The following FOXJ3 variants were observed in gnomAD, a reference collection of about 807,000 sequenced individuals.
FOXJ3 encodes the protein forkhead box J3.
A neutral mutation model predicts 76.1 loss-of-function variants in FOXJ3; 22 were observed. The observed-to-expected ratio is 0.29, with a 90% CI of 0.21 to 0.41. The LOEUF (loss-of-function observed/expected upper bound fraction) is 0.41. Among genes scored for constraint, FOXJ3 ranks in the 10% least tolerant of loss-of-function variants. FOXJ3 has a pLI of 1.00. For missense variants in FOXJ3, 613 were observed against 762.1 expected (o/e 0.80, Z 2.30); for synonymous variants, 269 against 261.2 (o/e 1.03, Z -0.29).
chr1:42,184,858 G>C (rs1646402845), intron 11 of FOXJ3, among the ~76,000 whole-genome samples: 1 of 152,084 alleles, frequency 6.6e-6, no homozygotes, highest in African/African-American at 2.4e-5. Context: ...TGGACAAGAG[G>C]AAATAGCAAG....
At chr1:42,224,996 T>C (rs1301006286) in intron 5 of FOXJ3, among the ~76,000 whole-genome samples, 4 of 150,652 alleles carry the variant, frequency 2.7e-5, no homozygotes, top group Non-Finnish European at 4.4e-5. Flanking sequence ...AGGATCAACC[T>C]GGGCCCGGGA....
intron 4 of FOXJ3, among the ~76,000 whole-genome samples, chr1:42,257,021 G>A (rs1186105308): frequency 1.3e-5 from 2 of 152,120 alleles, no homozygotes; most frequent in African/African-American, 2.4e-5. Context: ...AATCTACTAT[G>A]CACTCAAGGA....
At chr1:42,324,273 CTATA>C (rs903669525) in intron 1 of FOXJ3, among the ~76,000 whole-genome samples, 12 of 139,962 alleles carry the variant, frequency 8.6e-5, no homozygotes, top group African/African-American at 2.9e-4. Context: ...CATATATACA[CTATA>C]TATATTATAC....
intron 5 of FOXJ3, among the ~76,000 whole-genome samples, chr1:42,222,010 GAGA>G (rs1254540080): frequency 2.3e-4 from 1 of 4,430 alleles, no homozygotes; most frequent in African/African-American, 8.3e-4. Flanking sequence ...GGAGGAGGAG[GAGA>G]AGGAGAAGGG....
intron 1 of FOXJ3, among the ~76,000 whole-genome samples, chr1:42,312,447 G>T (rs956749412): frequency 6.6e-6 from 1 of 152,306 alleles, no homozygotes; most frequent in African/African-American, 2.4e-5. Context: ...GGTGATTGAA[G>T]TCCCTGCATC....
intron 8 of FOXJ3, among the ~76,000 whole-genome samples, chr1:42,193,578 CAT>C (rs1407731807): frequency 3.9e-5 from 6 of 152,046 alleles, no homozygotes; most frequent in Non-Finnish European, 8.8e-5. Flanking sequence ...AGTTGGAAAA[CAT>C]ATGAATCTTA....
chr1:42,212,927 A>G (rs901670993), intron 5 of FOXJ3, among the ~76,000 whole-genome samples: 2 of 149,794 alleles, frequency 1.3e-5, no homozygotes, highest in Non-Finnish European at 3.0e-5. Context: ...CCTTAACATA[A>G]TAACTGTCAG....
In FOXJ3 at chr1:42,324,209, CTA is replaced by C. The variant is rs1302161342; in HGVS notation, c.-18+10848_-18+10849del. Among the ~76,000 whole-genome samples the C allele has an allele frequency of 9.4e-5, 10 of 106,428 alleles. 2 individuals are homozygous for C. Among genetic ancestry groups the C allele is most frequent in the South Asian group, 3.0e-4 (1 of 3,380 alleles). The allele number at this position is 106,428 out of a possible 152,430, so 69.8% of individuals were successfully genotyped here. ...TAGGAATATATATACTATATATATA[CTA>C]TATATATAAATTCTAGGAATATATA... On this transcript the variant is annotated intron_variant, in intron 1 of 12. Coordinates refer to ENST00000361346, the MANE Select transcript of FOXJ3 (RefSeq NM_014947.5).
intron 4 of FOXJ3, among the ~76,000 whole-genome samples, chr1:42,232,794 T>A (rs2124481506): frequency 6.6e-6 from 1 of 152,352 alleles, no homozygotes; most frequent in South Asian, 2.1e-4. Flanking sequence ...AGCTCTTTAG[T>A]TTAATTAGAT....
chr1:42,187,656 C>A (rs527316924), intron 11 of FOXJ3, among the ~76,000 whole-genome samples: 9 of 151,900 alleles, frequency 5.9e-5, no homozygotes, highest in Non-Finnish European at 1.3e-4. Context: ...CAGAAAGATA[C>A]CAAAAAGAAC....
At position 42,236,330 on chromosome 1, in the gene FOXJ3, A is replaced by G. The variant is rs1019358031; in HGVS notation, c.445-8364T>C. Among the ~76,000 whole-genome samples the G allele has an allele frequency of 2.6e-5, 4 of 152,282 alleles. No homozygotes were observed. The South Asian group carries it at 6.2e-4, about 24-fold the overall frequency. ...CTCAGCCTCCTGAATAGGTAGGACT[A>G]TAAGTTCCTGTCACCAGGCACAGCT... On this transcript the variant is annotated intron_variant, in intron 4 of 12. Coordinates refer to ENST00000361346, the MANE Select transcript of FOXJ3 (RefSeq NM_014947.5).
chr1:42,179,307 A>G lies in FOXJ3; in HGVS notation c.*403T>C, dbSNP rs1241328037. 1 of 153,288 alleles carries G rather than the reference A, an allele frequency of 6.5e-6. No homozygotes were observed. The highest frequency in any genetic ancestry group is 6.5e-5 in the Admixed American group (1 of 15,320). 9.5% of individuals were successfully genotyped at this position (153,288 alleles called of 1,614,324 possible). ...AATAACTTTCAAGACATAATAATCC[A>G]ATTAGAAAAAACTGAAGCCTTTCAG... is the stretch of plus-strand genomic sequence containing the variant. On this transcript the variant is annotated 3_prime_UTR_variant, in exon 13 of 13. Coordinates refer to ENST00000361346, the MANE Select transcript of FOXJ3 (RefSeq NM_014947.5).
chr1:42,237,437 CATATATATAT>C, intron 4 of FOXJ3, among the ~76,000 whole-genome samples: 1 of 137,192 alleles, frequency 7.3e-6, no homozygotes, highest in Non-Finnish European at 1.6e-5. Context: ...TACATACATA[CATATATATAT>C]ATACACATAC....
chr1:42,304,821 T>C (rs1194774500), intron 2 of FOXJ3, among the ~76,000 whole-genome samples: 1 of 152,144 alleles, frequency 6.6e-6, no homozygotes, highest in Admixed American at 6.5e-5. Flanking sequence ...CTATCCAGGA[T>C]GTTGGAGTGG....
At chr1:42,276,991 G>A (rs1032475842) in intron 3 of FOXJ3, among the ~76,000 whole-genome samples, 10 of 152,160 alleles carry the variant, frequency 6.6e-5, no homozygotes, top group Non-Finnish European at 1.0e-4. Context: ...GATTACAGGC[G>A]TGAGCCACCA....
At chr1:42,215,519 T>A (rs950729858) in intron 5 of FOXJ3, among the ~76,000 whole-genome samples, 1 of 151,762 alleles carries the variant, frequency 6.6e-6, no homozygotes, top group Non-Finnish European at 1.5e-5. Context: ...TCTGGAAGAA[T>A]AAAGAGAGAA....
At chr1:42,188,159 T>C (rs1209698066) in intron 11 of FOXJ3, among the ~76,000 whole-genome samples, 4 of 152,196 alleles carry the variant, frequency 2.6e-5, no homozygotes, top group African/African-American at 9.6e-5. Flanking sequence ...AAGAAGTAAC[T>C]TGGATATGAA....
intron 8 of FOXJ3, 28 bp downstream of exon 8, chr1:42,194,862 T>G (rs1347625407): frequency 1.4e-6 from 2 of 1,476,110 alleles, no homozygotes. Context: ...TAAAACTTTG[T>G]TATAAAAAAG....
chr1:42,315,429 G>A (rs1655048495), intron 1 of FOXJ3: 3 of 984,544 alleles, frequency 3.0e-6, no homozygotes. Flanking sequence ...TCAAAACTCA[G>A]GCAAGGGAAA....
Sources: gnomAD v4.1 joint callset for allele counts (sites outside exome capture counted in the v4.1 genomes callset) on GRCh38, gnomAD v4.1.1 for gene constraint, MANE v1.5 for transcripts, NCBI Gene and HGNC (gene_info 2026-07-23, HGNC 2026-07-21) for gene names.